The following PNPLA6 variants were observed in gnomAD, a reference collection of about 807,000 sequenced individuals.
PNPLA6 encodes patatin-like phospholipase domain-containing protein 6.
A neutral mutation model predicts 153.7 loss-of-function variants in PNPLA6; 105 were observed. That is an observed-to-expected ratio of 0.68 (90% CI 0.58 to 0.80). The LOEUF (loss-of-function observed/expected upper bound fraction) is 0.80. Ranked by LOEUF, PNPLA6 falls within the 30% of genes least tolerant of loss-of-function variation. PNPLA6 has a pLI of 0.00. For missense variants in PNPLA6, 1,423 were observed against 1,919.3 expected, an observed-to-expected ratio of 0.74 and a Z score of 4.83; for synonymous variants, 825 against 822.2, an observed-to-expected ratio of 1.00 and a Z score of -0.06.
upstream of PNPLA6, chr19:7,535,619 C>CG: frequency 6.3e-7 from 1 of 1,587,742 alleles, no homozygotes; most frequent in Non-Finnish European, 8.6e-7. This position sits in a 1 kb window ranked among gnomAD's most constrained non-coding sequence, Gnocchi z 5.0. Flanking sequence ...CGGCGTGGGG[C>CG]GCCAAGAGGA....
At position 7,560,978 on chromosome 19, in the gene PNPLA6, G is replaced by GC. The variant is rs35902090; in HGVS notation, c.3817-29dup. The GC allele has an allele frequency of 0.2, 277,540 of 1,412,004 alleles. 29,640 individuals are homozygous for GC. Among genetic ancestry groups the GC allele is most frequent in the East Asian group, 0.36 (14,944 of 41,754 alleles). The allele number at this position is 1,412,004 out of a possible 1,614,324, so 87.5% of individuals were successfully genotyped here. On this transcript the variant is annotated intron_variant, in intron 29 of 31. Transcript: ENST00000600737. The stretch of plus-strand genomic sequence containing the variant: ...CCCCAGGGGCCCCAAGACTCTGTGG[G>GC]CCCCCCCTAAGAGCCTCACCAGTGT...
Position 7,554,616 on chromosome 19 carries a change from C to G in PNPLA6, c.2527C>G (p.Leu843Val), listed in dbSNP as rs748903229. ...AQQEDAHRIV[L>V]YQTDASLTPW... is the part of the protein sequence containing the mutation. Reference sequence around the variant, plus strand: ...GCAGGAGGATGCACACCGTATCGTACTCTACCAGACGGACGCCTCGCTGAC... The same window carrying G: ...GCAGGAGGATGCACACCGTATCGTAGTCTACCAGACGGACGCCTCGCTGAC... Residue 843 changes from leucine (L) to valine (V), a missense_variant, in exon 21 of 32, where the codon CTC becomes GTC. Leu to Val is a conservative substitution (Grantham distance 32, BLOSUM62 1). Transcript: ENST00000600737. 1.2e-6 allele frequency: 2 copies of G among 1,614,104 alleles called. No individual in the cohort carries two copies. The highest frequency in any genetic ancestry group is 2.2e-5 in the East Asian group (1 of 44,872).
upstream of PNPLA6, chr19:7,534,195 C>A: frequency 5.7e-6 from 2 of 349,954 alleles, no homozygotes; most frequent in Non-Finnish European, 1.1e-5. Flanking sequence ...CCGGGCGGAA[C>A]GCTAGCGGTG....
upstream of PNPLA6, chr19:7,535,112 TG>T: frequency 3.7e-6 from 1 of 271,078 alleles, no homozygotes; most frequent in Non-Finnish European, 7.4e-6. The surrounding 1 kb of genome is among the most constrained non-coding windows in gnomAD (Gnocchi z 5.0). Context: ...TGGTCAGGCT[TG>T]ATCAACCCTG....
At position 7,541,234 on chromosome 19, in the gene PNPLA6, G is replaced by T. The variant is rs1290573349; in HGVS notation, c.925-120G>T. The T allele has an allele frequency of 1.8e-6, 2 of 1,113,624 alleles. No homozygotes were observed. Among genetic ancestry groups the T allele is most frequent in the Non-Finnish European group, 1.3e-6 (1 of 754,798 alleles). 69.0% of individuals were successfully genotyped at this position (1,113,624 alleles called of 1,614,324 possible). ...TTAGCTGCCTCGCCCCATTTCCCCA[G>T]ACTGTGGGTCTCTCCCTGGTTCCCG... On this transcript the variant is annotated intron_variant, in intron 7 of 31. Transcript: ENST00000600737. This position sits in a 1 kb window ranked among gnomAD's most constrained non-coding sequence, Gnocchi z 5.2.
intron 3 of PNPLA6, among the ~76,000 whole-genome samples, chr19:7,538,859 A>G (rs1311855115): frequency 6.6e-6 from 1 of 152,240 alleles, no homozygotes; most frequent in Non-Finnish European, 1.5e-5. Flanking sequence ...CTACTCTGTG[A>G]CTACTGGAAG....
At chr19:7,560,477 C>A (rs1568424775) in intron 28 of PNPLA6, 171 bp from the exon 29 acceptor site, 4 of 681,934 alleles carry the variant, frequency 5.9e-6, no homozygotes, top group Admixed American at 2.0e-5. Context: ...AAGGGCAGGA[C>A]AGGGGATGTG....
Position 7,557,239 on chromosome 19 carries a change from G to A in PNPLA6, c.3352G>A (p.Asp1118Asn). The A allele has an allele frequency of 1.2e-6, 2 of 1,613,586 alleles. No homozygotes were observed. Among genetic ancestry groups the A allele is most frequent in the Non-Finnish European group, 1.7e-6 (2 of 1,179,890 alleles). Reference protein sequence around the residue: ...GYLPPLCDPKDGHLLMDGGYI... With the variant: ...GYLPPLCDPKNGHLLMDGGYI... ...CCTGCCCCCGCTGTGCGACCCCAAG[G>A]ACGGGCACCTACTCATGGATGGCGG... is the stretch of plus-strand genomic sequence containing the variant. Residue 1118 changes from aspartate to asparagine, a missense_variant, in exon 27 of 32, where the codon GAC (aspartate) becomes AAC (asparagine). Asp to Asn is a conservative substitution (Grantham distance 23). Transcript: ENST00000600737.
At chr19:7,550,486 T>C (rs1568416002) in intron 15 of PNPLA6, 31 bp from the exon 16 acceptor site, 1 of 1,612,516 alleles carries the variant, frequency 6.2e-7, no homozygotes, top group South Asian at 1.1e-5. Context: ...CTGGGGGTGG[T>C]CAGACCTTGC....
chr19:7,557,295 GCCCGCACCACCCGCACACGCAAGCACCT>G lies in PNPLA6; in HGVS notation c.3397+22_3397+49del, dbSNP rs1568422387. 5 of 1,535,022 alleles carry G rather than the reference GCCCGCACCACCCGCACACGCAAGCACCT, an allele frequency of 3.3e-6. No homozygotes were observed. The highest frequency in any genetic ancestry group is 1.1e-5 in the South Asian group (1 of 89,588). On this transcript the variant is annotated intron_variant, in intron 27 of 31. Coordinates refer to ENST00000600737, the MANE Select transcript of PNPLA6 (RefSeq NM_001166114.2). ...TCAACAATCTGCCAGGCAAGTGGCC[GCCCGCACCACCCGCACACGCAAGCACCT>G]CCCGCACCACACACACGCACACGCG...
intron 18 of PNPLA6, among the ~76,000 whole-genome samples, 170 bp downstream of exon 18, chr19:7,551,607 G>C (rs985532737): frequency 2.0e-5 from 3 of 152,162 alleles, no homozygotes; most frequent in Non-Finnish European, 4.4e-5. Context: ...AGCATTCTGG[G>C]GAATGGAGTT....
chr19:7,540,035 G>A lies in PNPLA6; in HGVS notation c.531G>A (p.Val177=). The A allele has an allele frequency of 6.2e-7, 1 of 1,612,710 alleles. No homozygotes were observed. The highest frequency in any genetic ancestry group is 8.5e-7 in the Non-Finnish European group (1 of 1,179,400). ...CTAACTCCCATCTGCCCTCTGAAGT[G>A]CTTTATATGCTCAAGAACGTCCGGT... ...DLANSHLPSE[V]LYMLKNVRVL... is the part of the protein sequence containing the mutation. Residue 177 remains valine (V), a synonymous_variant, in exon 4 of 32, where the codon GTG becomes GTA. Transcript: ENST00000600737. The surrounding 1 kb of genome is among the most constrained non-coding windows in gnomAD (Gnocchi z 6.8).
chr19:7,535,333 G>C (rs1198948924), upstream of PNPLA6: 1 of 636,536 alleles, frequency 1.6e-6, no homozygotes, highest in Non-Finnish European at 2.9e-6. This position sits in a 1 kb window ranked among gnomAD's most constrained non-coding sequence, Gnocchi z 5.0. Flanking sequence ...CGAGAGGTCG[G>C]TTTGCTCCAT....
In PNPLA6 at chr19:7,559,610, G is replaced by C. The variant is rs368977049; in HGVS notation, c.3699+459G>C. 2.2e-4 allele frequency among the ~76,000 whole-genome samples: 33 copies of C among 152,088 alleles called. No individual in the cohort carries two copies. In the East Asian group the frequency reaches 5.2e-3, roughly 24 times the overall value. On this transcript the variant is annotated intron_variant, in intron 28 of 31. Coordinates refer to ENST00000600737, the MANE Select transcript of PNPLA6 (RefSeq NM_001166114.2). ...TCCCAGCACCTTGGGAAGCTGAGGTGGGAGGATTGCTTGAAACCAGGAGTT... is the reference window on the plus strand; with the variant it reads ...TCCCAGCACCTTGGGAAGCTGAGGTCGGAGGATTGCTTGAAACCAGGAGTT...
At chr19:7,552,197 C>T (rs1276257707) in intron 18 of PNPLA6, among the ~76,000 whole-genome samples, 1 of 152,212 alleles carries the variant, frequency 6.6e-6, no homozygotes, top group Non-Finnish European at 1.5e-5. Flanking sequence ...CTGGGCACCT[C>T]GCCTTCTGAA....
Position 7,551,031 on chromosome 19 carries a change from T to C in PNPLA6, c.2108T>C (p.Val703Ala). 1 of 1,548,872 alleles carries C rather than the reference T, an allele frequency of 6.5e-7. No individual in the cohort carries two copies. Among genetic ancestry groups the C allele is most frequent in the Non-Finnish European group, 8.7e-7 (1 of 1,146,688 alleles). The part of the protein sequence containing the change: ...ALTRQPRATT[V>A]HAVRDTELAK... ...ACCCGGCAGCCGCGAGCCACGACGG[T>C]GCACGCGGTGCGCGACACGGAGCTG... Residue 703 changes from valine (V) to alanine (A), a missense_variant, in exon 17 of 32, where the codon GTG becomes GCG. Val to Ala is a moderately conservative substitution (Grantham distance 64). Around this residue, in one of 10 missense-constraint regions of PNPLA6, gnomAD observed 63 missense variants for 166.2 expected, o/e 0.38. Transcript: ENST00000600737.
upstream of PNPLA6, chr19:7,535,657 AT>A: frequency 1.3e-6 from 2 of 1,549,352 alleles, no homozygotes. This position sits in a 1 kb window ranked among gnomAD's most constrained non-coding sequence, Gnocchi z 5.0. Flanking sequence ...CTCAGCGCGC[AT>A]TACGTGGTCT....
chr19:7,536,811 C>T (rs1431862827), intron 3 of PNPLA6, among the ~76,000 whole-genome samples: 1 of 151,648 alleles, frequency 6.6e-6, no homozygotes, highest in Non-Finnish European at 1.5e-5. Context: ...CCTGTAATCC[C>T]AGCTACTCAG....
In PNPLA6 at chr19:7,542,891, C is replaced by G; in HGVS notation, c.1493C>G (p.Ala498Gly). 1 of 1,613,470 alleles carries G rather than the reference C, an allele frequency of 6.2e-7. No individual in the cohort carries two copies. Among genetic ancestry groups the G allele is most frequent in the Non-Finnish European group, 8.5e-7 (1 of 1,179,900 alleles). ...QGRQTSSIFE[A>G]AKQELAKLMR... Reference sequence around the variant, plus strand: ...CGCCAGACCAGCAGCATCTTCGAGGCAGCAAAGCAGGAGCTGGCCAAGCTG... The same window carrying G: ...CGCCAGACCAGCAGCATCTTCGAGGGAGCAAAGCAGGAGCTGGCCAAGCTG... Residue 498 changes from alanine (A) to glycine (G), a missense_variant, in exon 12 of 32, where the codon GCA becomes GGA. This residue lies in a region of PNPLA6 where 267 missense variants were observed against 255.1 expected (regional missense o/e 1.05). Coordinates refer to ENST00000600737, the MANE Select transcript of PNPLA6 (RefSeq NM_001166114.2).
Sources: gnomAD v4.1 joint callset for allele counts (sites outside exome capture counted in the v4.1 genomes callset) on GRCh38, gnomAD v4.1.1 for gene constraint, gnomAD v4.1.1 regional missense constraint, Gnocchi (gnomAD v3.1) non-coding constraint, MANE v1.5 for transcripts, NCBI Gene and HGNC (gene_info 2026-07-23, HGNC 2026-07-21) for gene names.